The following PDGFC variants were observed in gnomAD, a reference collection of about 807,000 sequenced individuals.
PDGFC encodes the protein platelet-derived growth factor C.
Under a neutral mutation model 35.5 loss-of-function variants are expected in PDGFC, and 12 were observed. That is an observed-to-expected ratio of 0.34 (90% CI 0.22 to 0.55). The LOEUF (loss-of-function observed/expected upper bound fraction) is 0.55, where lower values mean the gene tolerates loss of function less well. Among genes scored for constraint, PDGFC ranks in the 20% least tolerant of loss-of-function variants. The probability of loss-of-function intolerance (pLI) is 0.91; values close to 1 mark genes in which losing one functional copy is unlikely to be tolerated. For synonymous variants in PDGFC, 159 were observed against 148.8 expected, an observed-to-expected ratio of 1.07 and a Z score of -0.50; for missense variants, 322 against 412.4, an observed-to-expected ratio of 0.78 and a Z score of 1.90.
In PDGFC at chr4:156,826,174, A is replaced by AATTT. The variant is rs1288749370; in HGVS notation, c.315-15158_315-15157insAAAT. ...GCCACCATATCCAGCTTTGAGTTGG[A>AATTT]TTTTTTTTTTTTTTTTTTTTTTTTT... On this transcript the variant is annotated intron_variant, in intron 2 of 5. Transcript: ENST00000502773. Among the ~76,000 whole-genome samples, 23 of 43,792 alleles carry AATTT rather than the reference A, an allele frequency of 5.3e-4. 1 individual carries two copies. Among genetic ancestry groups the AATTT allele is most frequent in the African/African-American group, 1.8e-3 (22 of 12,388 alleles). 28.7% of individuals were successfully genotyped at this position (43,792 alleles called of 152,430 possible). A position where few individuals can be genotyped will look rare whatever the true frequency, so the allele number is the denominator to read the frequency against.
chr4:156,834,626 T>C (rs1198355644), intron 2 of PDGFC, among the ~76,000 whole-genome samples: 1 of 152,130 alleles, frequency 6.6e-6, no homozygotes, highest in Non-Finnish European at 1.5e-5. Flanking sequence ...AGTAGGGGGT[T>C]AAATCAGCTG....
At chr4:156,851,930 C>CAAAAAAAAAAAAAAAAAAAAAAAAAAAA (rs61505882) in intron 1 of PDGFC, among the ~76,000 whole-genome samples, 8 of 47,854 alleles carry the variant, frequency 1.7e-4, no homozygotes, top group African/African-American at 5.3e-4. Context: ...GACTCCATCT[C>CAAAAAAAAAAAAAAAAAAAAAAAAAAAA]AAAAAAAAAA....
intron 3 of PDGFC, among the ~76,000 whole-genome samples, chr4:156,776,222 T>C (rs1450094924): frequency 6.6e-6 from 1 of 152,174 alleles, no homozygotes; most frequent in Non-Finnish European, 1.5e-5. Context: ...CCATAATTAG[T>C]ATCTAGAAAA....
chr4:156,911,585 T>C (rs1162602909), intron 1 of PDGFC, among the ~76,000 whole-genome samples: 1 of 152,106 alleles, frequency 6.6e-6, no homozygotes, highest in African/African-American at 2.4e-5. Flanking sequence ...TATTAAATCT[T>C]AAGTGGAGAA....
chr4:156,794,172 A>G (rs1300099352), intron 3 of PDGFC, among the ~76,000 whole-genome samples: 1 of 152,136 alleles, frequency 6.6e-6, no homozygotes, highest in African/African-American at 2.4e-5. Context: ...ATCTTTTCAT[A>G]GCCCTGGCGT....
At position 156,939,013 on chromosome 4, in the gene PDGFC, T is replaced by C. The variant is rs561632751; in HGVS notation, c.118+31773A>G. Among the ~76,000 whole-genome samples the C allele has an allele frequency of 1.1e-3, 168 of 152,136 alleles. 1 individual carries two copies. Among genetic ancestry groups the C allele is most frequent in the African/African-American group, 3.8e-3 (159 of 41,546 alleles). On this transcript the variant is annotated intron_variant, in intron 1 of 5. Transcript: ENST00000502773. ...CCTATTAACAAGAGGTCAAAACCAG[T>C]ACAGAATACAGCCCTCCTTGGGTCT...
chr4:156,816,104 T>C (rs190177969), intron 2 of PDGFC, among the ~76,000 whole-genome samples: 9 of 152,312 alleles, frequency 5.9e-5, no homozygotes, highest in African/African-American at 2.2e-4. Flanking sequence ...GTAAACATAA[T>C]TGTCAGACAC....
chr4:156,888,874 C>T (rs1730438330), intron 1 of PDGFC, among the ~76,000 whole-genome samples: 1 of 152,126 alleles, frequency 6.6e-6, no homozygotes, highest in Non-Finnish European at 1.5e-5. Context: ...AGAGAGATTG[C>T]TCACCCAAGA....
intron 1 of PDGFC, among the ~76,000 whole-genome samples, chr4:156,852,604 C>A (rs1449531072): frequency 6.6e-6 from 1 of 152,148 alleles, no homozygotes; most frequent in African/African-American, 2.4e-5. Context: ...CTCATCCTTT[C>A]ATAATCCTCT....
At chr4:156,785,149 C>T (rs757979378) in intron 3 of PDGFC, among the ~76,000 whole-genome samples, 1 of 152,182 alleles carries the variant, frequency 6.6e-6, no homozygotes, top group African/African-American at 2.4e-5. Context: ...GGATGATTCA[C>T]ATTCTGCATA....
chr4:156,846,682 T>A (rs958700065), intron 2 of PDGFC, among the ~76,000 whole-genome samples: 3 of 151,844 alleles, frequency 2.0e-5, no homozygotes, highest in African/African-American at 7.2e-5. Flanking sequence ...TTGATACTGC[T>A]ACTAATGTTC....
chr4:156,959,491 A>C (rs999454056), intron 1 of PDGFC, among the ~76,000 whole-genome samples: 1 of 151,996 alleles, frequency 6.6e-6, no homozygotes, highest in Non-Finnish European at 1.5e-5. Flanking sequence ...TGAGCCCCAG[A>C]ACCACAGGCT....
At chr4:156,836,162 G>A (rs990911433) in intron 2 of PDGFC, among the ~76,000 whole-genome samples, 25 of 152,214 alleles carry the variant, frequency 1.6e-4, no homozygotes, top group Non-Finnish European at 1.5e-5. Context: ...GGAACCTCTG[G>A]TCTCCTCCTT....
intron 3 of PDGFC, chr4:156,778,203 T>C (rs1053551933): frequency 2.0e-5 from 8 of 395,166 alleles, no homozygotes; most frequent in Non-Finnish European, 3.2e-5. Flanking sequence ...ATGCTTGCCT[T>C]TGTGAGAAGC....
chr4:156,901,192 T>A (rs1730773332), intron 1 of PDGFC, among the ~76,000 whole-genome samples: 1 of 152,140 alleles, frequency 6.6e-6, no homozygotes, highest in South Asian at 2.1e-4. Context: ...CAGATCAGTA[T>A]CCATATGAGG....
intron 1 of PDGFC, among the ~76,000 whole-genome samples, chr4:156,968,924 G>C (rs183582962): frequency 1.0e-3 from 159 of 152,312 alleles, no homozygotes; most frequent in African/African-American, 3.7e-3. Flanking sequence ...TCTCCTGGAG[G>C]TGTGAATCTA....
chr4:156,944,415 T>G (rs566333358), intron 1 of PDGFC, among the ~76,000 whole-genome samples: 1 of 152,140 alleles, frequency 6.6e-6, no homozygotes, highest in Non-Finnish European at 1.5e-5. Context: ...ATGCAATGTT[T>G]GCTTCTTTCT....
intron 2 of PDGFC, among the ~76,000 whole-genome samples, chr4:156,835,423 T>A (rs1729039842): frequency 6.6e-6 from 1 of 152,182 alleles, no homozygotes; most frequent in Non-Finnish European, 1.5e-5. Context: ...ATCATATTAT[T>A]TAAACTTTTA....
chr4:156,826,496 C>G (rs1157639228), intron 2 of PDGFC, among the ~76,000 whole-genome samples: 1 of 152,052 alleles, frequency 6.6e-6, no homozygotes, highest in African/African-American at 2.4e-5. Flanking sequence ...GCCACCATGC[C>G]ATTGTAATTT....
Sources: gnomAD v4.1 joint callset for allele counts (sites outside exome capture counted in the v4.1 genomes callset) on GRCh38, gnomAD v4.1.1 for gene constraint, MANE v1.5 for transcripts, NCBI Gene and HGNC (gene_info 2026-07-23, HGNC 2026-07-21) for gene names.